Variants in TTC6 observed in about 807,000 individuals in gnomAD.
TTC6 encodes tetratricopeptide repeat domain 6.
A neutral mutation model predicts 210.4 loss-of-function variants in TTC6; 172 were observed. The observed-to-expected ratio is 0.82, with a 90% CI of 0.72 to 0.93. The LOEUF is 0.93. Ranked by LOEUF, TTC6 falls within the 40% of genes least tolerant of loss-of-function variation. The probability of loss-of-function intolerance (pLI) is 0.00; values close to 1 mark genes in which losing one functional copy is unlikely to be tolerated. For missense variants in TTC6, 2,414 were observed against 2,318.1 expected (o/e 1.04, Z -0.85); for synonymous variants, 804 against 819.6 (o/e 0.98, Z 0.32).
Position 37,642,515 on chromosome 14 carries a change from T to C in TTC6, c.939+19512T>C, listed in dbSNP as rs913777931. On this transcript the variant is annotated intron_variant, in intron 1 of 30. Coordinates refer to ENST00000553443, the Ensembl canonical transcript of TTC6. ...CTGTAACAGACTGACCTGCTTTTAC[T>C]TAATCTTCTTAGCTTTATTATTTTT... is the stretch of plus-strand genomic sequence containing the variant. Among the ~76,000 whole-genome samples, 9 of 152,242 alleles carry C rather than the reference T, an allele frequency of 5.9e-5. No individual in the cohort carries two copies. In the East Asian group the frequency reaches 1.5e-3, roughly 26 times the overall value.
intron 7 of TTC6, among the ~76,000 whole-genome samples, chr14:37,728,869 G>C (rs1177417031): frequency 2.0e-5 from 3 of 152,148 alleles, no homozygotes; most frequent in Non-Finnish European, 4.4e-5. Flanking sequence ...AGATGAATAT[G>C]ACATAAAGAG....
intron 6 of TTC6, among the ~76,000 whole-genome samples, chr14:37,721,649 A>G (rs1459373874): frequency 6.6e-6 from 1 of 152,014 alleles, no homozygotes; most frequent in Non-Finnish European, 1.5e-5. Flanking sequence ...AACTCAAACA[A>G]TAGCACACAT....
intron 1 of TTC6, among the ~76,000 whole-genome samples, chr14:37,641,024 A>G (rs1236363633): frequency 6.6e-6 from 1 of 151,992 alleles, no homozygotes; most frequent in African/African-American, 2.4e-5. Flanking sequence ...TGATACCGTC[A>G]AGTCATGATT....
intron 1 of TTC6, among the ~76,000 whole-genome samples, chr14:37,604,948 T>G (rs2095622307): frequency 1.3e-5 from 2 of 152,212 alleles, no homozygotes; most frequent in Non-Finnish European, 2.9e-5. Context: ...AAAAATTATT[T>G]GATTTAAATT....
At position 37,749,239 on chromosome 14, in the gene TTC6, T is replaced by TATTTATAG; in HGVS notation, c.2664_2665insATTTATAG (p.Asp889IlefsTer17). ...TAAAATTAAATGATTATGTGGAGTC[T>TATTTATAG]GATCTTCCACAAGAGGTCATTAAAT... On this transcript the variant is annotated frameshift_variant, in exon 11 of 31. Transcript: ENST00000553443. LOFTEE classifies it high-confidence loss of function. The TATTTATAG allele has an allele frequency of 6.5e-7, 1 of 1,529,302 alleles. No homozygotes were observed. The highest frequency in any genetic ancestry group is 8.7e-7 in the Non-Finnish European group (1 of 1,143,890). The allele number at this position is 1,529,302 out of a possible 1,614,324, so 94.7% of individuals were successfully genotyped here.
At chr14:37,770,966 G>A (rs372554472) in intron 14 of TTC6, among the ~76,000 whole-genome samples, 3,482 of 124,666 alleles carry the variant, frequency 0.028, 68 homozygotes, top group Non-Finnish European at 0.044. Flanking sequence ...CATGTTTAGT[G>A]CTTCCTTCAG....
intron 7 of TTC6, among the ~76,000 whole-genome samples, chr14:37,731,768 A>C (rs1278964961): frequency 6.6e-6 from 1 of 152,226 alleles, no homozygotes. Flanking sequence ...GTTCCCTTAC[A>C]CATAACCTTT....
At chr14:37,738,885 A>T (rs1265631459) in exon 10 of TTC6, 37 of 1,535,126 alleles carry the variant, frequency 2.4e-5, no homozygotes, top group Non-Finnish European at 3.1e-5. Flanking sequence ...AAAGCAAAGG[A>T]ATTGAAACGT....
At chr14:37,728,671 CAT>C (rs1215479541) in intron 7 of TTC6, among the ~76,000 whole-genome samples, 1 of 152,032 alleles carries the variant, frequency 6.6e-6, no homozygotes, top group African/African-American at 2.4e-5. Context: ...ATATAAGTAA[CAT>C]ATGGTGTTTT....
At chr14:37,622,262 C>T in exon 1 of TTC6, 2 of 1,535,202 alleles carry the variant, frequency 1.3e-6, no homozygotes, top group Non-Finnish European at 1.7e-6. Flanking sequence ...CGCGCGTTTC[C>T]TGCGCCGCAG....
At chr14:37,648,735 A>C (rs185548044) in intron 1 of TTC6, among the ~76,000 whole-genome samples, 3 of 152,322 alleles carry the variant, frequency 2.0e-5, no homozygotes, top group African/African-American at 7.2e-5. Flanking sequence ...AATGATTACT[A>C]ATTTATTCAG....
chr14:37,835,668 A>T (rs190377140), intron 29 of TTC6, among the ~76,000 whole-genome samples: 17 of 152,328 alleles, frequency 1.1e-4, no homozygotes, highest in African/African-American at 4.1e-4. Flanking sequence ...AAAGAAAGAC[A>T]AGATGGCTAG....
chr14:37,765,410 G>C (rs1036922673), intron 14 of TTC6, among the ~76,000 whole-genome samples: 2 of 145,080 alleles, frequency 1.4e-5, no homozygotes, highest in African/African-American at 5.1e-5. Context: ...CAAACGCTTC[G>C]CCTCAAGCAA....
At chr14:37,792,335 T>C in exon 17 of TTC6, 2 of 1,533,216 alleles carry the variant, frequency 1.3e-6, no homozygotes, top group Non-Finnish European at 1.7e-6. Context: ...ACGGAAGCTA[T>C]TTGGCAATTT....
chr14:37,745,687 G>A (rs1423651317), intron 10 of TTC6, among the ~76,000 whole-genome samples: 2 of 152,214 alleles, frequency 1.3e-5, no homozygotes, highest in Admixed American at 1.3e-4. Context: ...ATAAACGTCA[G>A]TGGGATTTGT....
intron 15 of TTC6, among the ~76,000 whole-genome samples, chr14:37,789,315 T>C (rs1280484913): frequency 4.6e-5 from 6 of 131,636 alleles, no homozygotes; most frequent in African/African-American, 1.8e-4. Flanking sequence ...TAAATAATAT[T>C]TTTTTTCCTT....
chr14:37,697,479 C>A (rs2095817045), intron 4 of TTC6, among the ~76,000 whole-genome samples: 1 of 152,130 alleles, frequency 6.6e-6, no homozygotes. Flanking sequence ...GATTCTTCTT[C>A]ATTTAACTCT....
intron 1 of TTC6, among the ~76,000 whole-genome samples, chr14:37,629,233 C>G (rs2095665337): frequency 6.6e-6 from 1 of 152,128 alleles, no homozygotes; most frequent in Non-Finnish European, 1.5e-5. Flanking sequence ...TCTTCCTATC[C>G]ATGAGCATGG....
At chr14:37,760,434 C>T (rs147081753) in intron 14 of TTC6, among the ~76,000 whole-genome samples, 17 of 152,278 alleles carry the variant, frequency 1.1e-4, no homozygotes, top group South Asian at 2.1e-4. Flanking sequence ...AGGTGTCTGT[C>T]GACCCCTGTT....
Sources: gnomAD v4.1 joint callset for allele counts (sites outside exome capture counted in the v4.1 genomes callset) on GRCh38, gnomAD v4.1.1 for gene constraint, MANE v1.5 for transcripts, NCBI Gene and HGNC (gene_info 2026-07-23, HGNC 2026-07-21) for gene names.